Variants in RANBP17 observed in about 807,000 individuals in gnomAD.
RANBP17 encodes RAN binding protein 17.
RANBP17 carries 158 observed loss-of-function variants against 141.2 expected under a neutral mutation model. The observed-to-expected ratio is 1.12, with a 90% CI of 0.98 to 1.28. The LOEUF (loss-of-function observed/expected upper bound fraction) is 1.28. RANBP17 is among the 50% of genes most tolerant of loss of function. The pLI, the probability that RANBP17 is intolerant of heterozygous loss-of-function variation, is 0.00. For synonymous variants in RANBP17, 430 were observed against 450.0 expected, an observed-to-expected ratio of 0.96 and a Z score of 0.56; for missense variants, 1,438 against 1,290.7, an observed-to-expected ratio of 1.11 and a Z score of -1.75.
intron 22 of RANBP17, among the ~76,000 whole-genome samples, chr5:171,236,312 A>G (rs557490548): frequency 2.0e-5 from 3 of 152,380 alleles, no homozygotes; most frequent in African/African-American, 7.2e-5. Context: ...TTTGTAAGCC[A>G]AGAAATAACA....
At chr5:171,019,659 A>G (rs987289666) in intron 14 of RANBP17, among the ~76,000 whole-genome samples, 1 of 151,058 alleles carries the variant, frequency 6.6e-6, no homozygotes, top group Non-Finnish European at 1.5e-5. Context: ...TTTCTTCTTT[A>G]TTAGTCTAGC....
At chr5:171,270,945 T>G (rs1313230300) in intron 25 of RANBP17, among the ~76,000 whole-genome samples, 1 of 152,118 alleles carries the variant, frequency 6.6e-6, no homozygotes, top group Non-Finnish European at 1.5e-5. Flanking sequence ...CAGTTAGGGT[T>G]GAATTCATCT....
At chr5:170,896,323 A>G in intron 5 of RANBP17, 1 of 508,414 alleles carries the variant, frequency 2.0e-6, no homozygotes, top group Non-Finnish European at 3.4e-6. Flanking sequence ...CTGCAATAGT[A>G]CAGAGTATTA....
intron 14 of RANBP17, among the ~76,000 whole-genome samples, chr5:171,058,124 C>G (rs1461611520): frequency 6.6e-6 from 1 of 151,564 alleles, no homozygotes; most frequent in African/African-American, 2.4e-5. Context: ...ATGGCATTAC[C>G]TATTTCTCTC....
intron 23 of RANBP17, among the ~76,000 whole-genome samples, chr5:171,242,450 G>T (rs1017385249): frequency 5.9e-5 from 9 of 152,164 alleles, no homozygotes; most frequent in Non-Finnish European, 8.8e-5. Flanking sequence ...TCGTACTGCA[G>T]GGATTTTACT....
Position 170,924,496 on chromosome 5 carries a change from CA to C in RANBP17, c.1419del (p.Lys473AsnfsTer9). On this transcript the variant is annotated frameshift_variant, in exon 12 of 28. Coordinates refer to ENST00000523189, the MANE Select transcript of RANBP17 (RefSeq NM_022897.5). LOFTEE classifies it high-confidence loss of function. ...QLFDQNAQNY[Q>X]KLLHPYSGVT... ...ATTCGACCAAAATGCACAGAATTAC[CA>C]AAAACTTCTGCATCCATATTCTGGT... The C allele has an allele frequency of 6.2e-7, 1 of 1,612,490 alleles. No individual in the cohort carries two copies. The highest frequency in any genetic ancestry group is 8.5e-7 in the Non-Finnish European group (1 of 1,178,998).
chr5:171,155,494 C>T (rs1373315198), intron 14 of RANBP17, among the ~76,000 whole-genome samples: 1 of 152,000 alleles, frequency 6.6e-6, no homozygotes, highest in Non-Finnish European at 1.5e-5. Flanking sequence ...GCAGAGTTCT[C>T]CACATACATT....
intron 14 of RANBP17, among the ~76,000 whole-genome samples, chr5:171,156,315 T>C (rs1450537551): frequency 6.6e-6 from 1 of 152,088 alleles, no homozygotes; most frequent in Non-Finnish European, 1.5e-5. Context: ...GAACATAAAT[T>C]AGAAGAAAAA....
intron 14 of RANBP17, among the ~76,000 whole-genome samples, chr5:171,102,737 C>T (rs1260789248): frequency 6.6e-6 from 1 of 151,780 alleles, no homozygotes; most frequent in Non-Finnish European, 1.5e-5. Flanking sequence ...GTGGATTTGT[C>T]TACCTTTGGT....
Position 171,199,785 on chromosome 5 carries a change from T to G in RANBP17, c.2142+12T>G. 1.3e-6 allele frequency: 2 copies of G among 1,510,340 alleles called. No individual in the cohort carries two copies. The highest frequency in any genetic ancestry group is 2.3e-5 in the South Asian group (2 of 85,228). 93.6% of individuals were successfully genotyped at this position (1,510,340 alleles called of 1,614,324 possible). A position where few individuals can be genotyped will look rare whatever the true frequency, so the allele number is the denominator to read the frequency against. On this transcript the variant is annotated intron_variant, in intron 19 of 27. Transcript: ENST00000523189. ...AAGAAGATGTAAAGGTGGGTTTGTT[T>G]CCAAATATGAGGAATGACAGTTTTG... is the stretch of plus-strand genomic sequence containing the variant.
intron 14 of RANBP17, among the ~76,000 whole-genome samples, chr5:171,056,797 A>G (rs1406489442): frequency 1.1e-5 from 1 of 93,224 alleles, no homozygotes; most frequent in Non-Finnish European, 2.3e-5. Flanking sequence ...ACCAGAAGTC[A>G]TTGATTTAGC....
At chr5:171,088,211 C>T (rs919536507) in intron 14 of RANBP17, among the ~76,000 whole-genome samples, 352 of 151,506 alleles carry the variant, frequency 2.3e-3, no homozygotes, top group African/African-American at 7.8e-3. Context: ...TTTTATTTCT[C>T]CTTCACTTAT....
rs35979849 is a variant in RANBP17, at chr5:170,955,617, G to GTATA, written c.1574+1935_1574+1938dup. The stretch of plus-strand genomic sequence containing the variant: ...ATATATATATATATATATGCTCAGT[G>GTATA]TATATATATATATATATATATATGC... On this transcript the variant is annotated intron_variant, in intron 13 of 27. Transcript: ENST00000523189. Among the ~76,000 whole-genome samples the GTATA allele has an allele frequency of 1.8e-3, 68 of 36,914 alleles. 4 individuals carry two copies. Among genetic ancestry groups the GTATA allele is most frequent in the Non-Finnish European group, 2.4e-3 (48 of 20,130 alleles). The allele number at this position is 36,914 out of a possible 152,430, so 24.2% of individuals were successfully genotyped here. A position where few individuals can be genotyped will look rare whatever the true frequency, so the allele number is the denominator to read the frequency against.
At chr5:171,088,462 A>T (rs1053546758) in intron 14 of RANBP17, among the ~76,000 whole-genome samples, 1 of 151,892 alleles carries the variant, frequency 6.6e-6, no homozygotes, top group African/African-American at 2.4e-5. Context: ...CTTCTCGAGG[A>T]GTATCTTTGT....
intron 9 of RANBP17, 98 bp downstream of exon 9, chr5:170,916,682 G>A: frequency 3.0e-6 from 2 of 670,320 alleles, no homozygotes; most frequent in Admixed American, 3.2e-5. Context: ...GATTCTGGAA[G>A]AAAACATTTA....
intron 14 of RANBP17, among the ~76,000 whole-genome samples, chr5:171,062,970 C>T (rs2127676064): frequency 1.3e-5 from 2 of 152,196 alleles, no homozygotes; most frequent in South Asian, 4.1e-4. Flanking sequence ...GAGGCTTCTG[C>T]ATTCTTCACG....
chr5:170,902,317 G>T (rs189041702), intron 5 of RANBP17, among the ~76,000 whole-genome samples: 21 of 152,044 alleles, frequency 1.4e-4, no homozygotes, highest in Middle Eastern at 3.4e-3. Context: ...TGATTTGGCC[G>T]TTGATGTTTG....
chr5:171,227,961 A>C (rs756269826), intron 22 of RANBP17, among the ~76,000 whole-genome samples: 5 of 152,198 alleles, frequency 3.3e-5, no homozygotes, highest in Non-Finnish European at 7.4e-5. Flanking sequence ...TCAAAAGGTT[A>C]CTGCTCACTG....
At chr5:171,120,747 G>T (rs1010481889) in intron 14 of RANBP17, among the ~76,000 whole-genome samples, 2 of 152,088 alleles carry the variant, frequency 1.3e-5, no homozygotes, top group African/African-American at 4.8e-5. Flanking sequence ...GTGAATTATT[G>T]TATTCCTTTA....
Sources: allele counts gnomAD v4.1 joint callset (sites outside exome capture counted in the v4.1 genomes callset), GRCh38; gene constraint gnomAD v4.1.1; transcripts MANE v1.5; gene names NCBI Gene and HGNC (gene_info 2026-07-23, HGNC 2026-07-21).